RBM7: variants seen among roughly 807,000 people sequenced by gnomAD.
The protein encoded by RBM7 is RNA-binding protein 7.
A neutral mutation model predicts 31.0 loss-of-function variants in RBM7; 13 were observed. That is an observed-to-expected ratio of 0.42 (90% CI 0.27 to 0.67). RBM7 has a LOEUF of 0.67. RBM7 is among the 30% of genes least tolerant of loss of function. RBM7 has a pLI of 0.24. For synonymous variants in RBM7, 106 were observed against 111.2 expected (o/e 0.95, Z 0.30); for missense variants, 245 against 326.2 (o/e 0.75, Z 1.92).
chr11:114,402,856 T>A lies in RBM7; in HGVS notation c.288T>A (p.Ser96Arg). 1 of 1,613,212 alleles carries A rather than the reference T, an allele frequency of 6.2e-7. No individual in the cohort carries two copies. Among genetic ancestry groups the A allele is most frequent in the Non-Finnish European group, 8.5e-7 (1 of 1,179,256 alleles). ...SGSSHAPQDVSLSYPQHHVGN... is the reference protein window; with the variant it reads ...SGSSHAPQDVRLSYPQHHVGN... The stretch of plus-strand genomic sequence containing the variant: ...GTAGTCATGCCCCACAAGATGTCAG[T>A]TTGTCATATCCCCAACATCATGTTG... The change falls in exon 3 of 5, where the codon AGT becomes AGA. Residue 96 changes from serine to arginine, a missense_variant. Physicochemically the swap from Ser to Arg is moderately radical, Grantham distance 110. Coordinates refer to ENST00000375490, the MANE Select transcript of RBM7 (RefSeq NM_001286045.2).
In RBM7 at chr11:114,407,452, G is replaced by A; in HGVS notation, c.449G>A (p.Ser150Asn). The change falls in exon 5 of 5, where the codon AGT becomes AAT. Residue 150 changes from serine (S) to asparagine (N), a missense_variant. Ser to Asn is a conservative substitution (Grantham distance 46). Coordinates refer to ENST00000375490, the MANE Select transcript of RBM7 (RefSeq NM_001286045.2). ...ACTTTTCCTATTCCTCAGATGAACA[G>A]TGCTTTGAGACAAATGTCATATGGT... ...ENFQRQAVMN[S>N]ALRQMSYGGK... 2 of 1,610,540 alleles carry A rather than the reference G, an allele frequency of 1.2e-6. No individual in the cohort carries two copies. The highest frequency in any genetic ancestry group is 1.7e-6 in the Non-Finnish European group (2 of 1,177,470).
At chr11:114,401,653 C>A in intron 1 of RBM7, 45 bp from the exon 2 acceptor site, 1 of 1,383,232 alleles carries the variant, frequency 7.2e-7, no homozygotes, top group Non-Finnish European at 9.6e-7. Context: ...TGAGTATTTT[C>A]CCTTAGTTGC....
chr11:114,403,152 G>A (rs1946226708), intron 3 of RBM7, among the ~76,000 whole-genome samples: 1 of 152,118 alleles, frequency 6.6e-6, no homozygotes, highest in Non-Finnish European at 1.5e-5. Context: ...ATAACTATTT[G>A]TTGATTTGTA....
At position 114,401,862 on chromosome 11, in the gene RBM7, T is replaced by TA; in HGVS notation, c.259+4dup. On this transcript the variant is annotated splice_region_variant and intron_variant, in intron 2 of 4. Coordinates refer to ENST00000375490, the MANE Select transcript of RBM7 (RefSeq NM_001286045.2). ...CTATCAAAATTCAATTTAGATCAGG[T>TA]AACTGCCCAATGAGGTTCGGGGGGC... 6.3e-7 allele frequency: 1 copy of TA among 1,587,906 alleles called. No individual in the cohort carries two copies. Among genetic ancestry groups the TA allele is most frequent in the Non-Finnish European group, 8.5e-7 (1 of 1,170,954 alleles).
At position 114,402,841 on chromosome 11, in the gene RBM7, C is replaced by T. The variant is rs1401131315; in HGVS notation, c.273C>T (p.Ala91=). 5 of 1,612,292 alleles carry T rather than the reference C, an allele frequency of 3.1e-6. No individual in the cohort carries two copies. Among genetic ancestry groups the T allele is most frequent in the Non-Finnish European group, 3.4e-6 (4 of 1,178,718 alleles). ...GTTTCATTTTAGGAAGTAGTCATGC[C>T]CCACAAGATGTCAGTTTGTCATATC... ...KIQFRSGSSH[A]PQDVSLSYPQ... Residue 91 remains alanine, a synonymous_variant, in exon 3 of 5, where the codon GCC becomes GCT. Coordinates refer to ENST00000375490, the MANE Select transcript of RBM7 (RefSeq NM_001286045.2).
At chr11:114,400,876 C>G in intron 1 of RBM7, 109 bp downstream of exon 1, 1 of 1,271,738 alleles carries the variant, frequency 7.9e-7, no homozygotes, top group South Asian at 1.4e-5. Context: ...CGACGGGTGG[C>G]TGTTTGGGGG....
At chr11:114,402,638 C>T (rs937971934) in intron 2 of RBM7, among the ~76,000 whole-genome samples, 190 bp from the exon 3 acceptor site, 2 of 151,802 alleles carry the variant, frequency 1.3e-5, no homozygotes, top group African/African-American at 2.4e-5. Context: ...CTCCTGGCCT[C>T]GAGAGATGTG....
In RBM7 at chr11:114,408,875, G is replaced by T. The variant is rs1392823385; in HGVS notation, c.*1068G>T. ...GATCCTTTTTAATACCACAGCATTT[G>T]TACTGTTCCTTTTTAATATACTGAA... On this transcript the variant is annotated 3_prime_UTR_variant, in exon 5 of 5. Coordinates refer to ENST00000375490, the MANE Select transcript of RBM7 (RefSeq NM_001286045.2). 1 of 150,932 alleles carries T rather than the reference G, an allele frequency of 6.6e-6. No homozygotes were observed. Among genetic ancestry groups the T allele is most frequent in the African/African-American group, 2.4e-5 (1 of 41,092 alleles). The allele number at this position is 150,932 out of a possible 1,614,324, so 9.3% of individuals were successfully genotyped here. A position where few individuals can be genotyped will look rare whatever the true frequency, so the allele number is the denominator to read the frequency against.
chr11:114,402,612 T>G (rs914075364), intron 2 of RBM7, among the ~76,000 whole-genome samples: 2 of 151,242 alleles, frequency 1.3e-5, no homozygotes, highest in East Asian at 3.9e-4. Flanking sequence ...ACCATGTTGG[T>G]CAGGCTGGTC....
chr11:114,402,679 A>G, intron 2 of RBM7, 149 bp from the exon 3 acceptor site: 1 of 658,386 alleles, frequency 1.5e-6, no homozygotes, highest in South Asian at 1.8e-5. Context: ...TGCTGGGATT[A>G]CAGGCGTCAG....
intron 3 of RBM7, 36 bp downstream of exon 3, chr11:114,402,951 A>G (rs17547494): frequency 0.17 from 256,066 of 1,510,848 alleles, 24,170 homozygotes; most frequent in Middle Eastern, 0.25. Flanking sequence ...ATCATTTATC[A>G]GGAATTCTTA....
rs145945092 is a variant in RBM7, at chr11:114,409,284, C to G, written c.*1477C>G. The G allele has an allele frequency of 6.6e-6, 1 of 152,106 alleles. No homozygotes were observed. Among genetic ancestry groups the G allele is most frequent in the African/African-American group, 2.4e-5 (1 of 41,498 alleles). 9.4% of individuals were successfully genotyped at this position (152,106 alleles called of 1,614,324 possible). On this transcript the variant is annotated 3_prime_UTR_variant, in exon 5 of 5. Coordinates refer to ENST00000375490, the MANE Select transcript of RBM7 (RefSeq NM_001286045.2). ...TAAGCATTTTCACAGAATTTGTTTC[C>G]AATGAGATTATTATTTTTGGGTATC...
At chr11:114,402,382 C>CTT (rs71063570) in intron 2 of RBM7, among the ~76,000 whole-genome samples, 6 of 50,126 alleles carry the variant, frequency 1.2e-4, no homozygotes, top group Admixed American at 6.1e-4. Flanking sequence ...GCTTGAGATT[C>CTT]TTTTTTTTTT....
In RBM7 at chr11:114,410,534, A is replaced by C. The variant is rs1326139457; in HGVS notation, c.*2727A>C. 6.6e-6 allele frequency: 1 copy of C among 152,196 alleles called. No individual in the cohort carries two copies. Among genetic ancestry groups the C allele is most frequent in the Non-Finnish European group, 1.5e-5 (1 of 68,036 alleles). 9.4% of individuals were successfully genotyped at this position (152,196 alleles called of 1,614,324 possible). A position where few individuals can be genotyped will look rare whatever the true frequency, so the allele number is the denominator to read the frequency against. ...TCCTGCTTCCAGTCTTCTTTCCTCA[A>C]ATTTATTCCACACTCTTAAGAATTG... On this transcript the variant is annotated 3_prime_UTR_variant, in exon 5 of 5. Transcript: ENST00000375490.
At position 114,408,602 on chromosome 11, in the gene RBM7, T is replaced by G. The variant is rs566839941; in HGVS notation, c.*795T>G. The G allele has an allele frequency of 3.1e-4, 47 of 152,834 alleles. No individual in the cohort carries two copies. Among genetic ancestry groups the G allele is most frequent in the African/African-American group, 1.1e-3 (47 of 41,582 alleles). The allele number at this position is 152,834 out of a possible 1,614,324, so 9.5% of individuals were successfully genotyped here. A position where few individuals can be genotyped will look rare whatever the true frequency, so the allele number is the denominator to read the frequency against. ...TTTTGGAAAATAGATTCATGAAGCCTTTAAGTGCTGCTTCTGTCAGTCAAA... is the reference window on the plus strand; with the variant it reads ...TTTTGGAAAATAGATTCATGAAGCCGTTAAGTGCTGCTTCTGTCAGTCAAA... On this transcript the variant is annotated 3_prime_UTR_variant, in exon 5 of 5. Coordinates refer to ENST00000375490, the MANE Select transcript of RBM7 (RefSeq NM_001286045.2).
chr11:114,403,873 A>G (rs1011989770), intron 3 of RBM7, among the ~76,000 whole-genome samples: 15 of 152,190 alleles, frequency 9.9e-5, no homozygotes, highest in African/African-American at 3.6e-4. Context: ...CACATATTAT[A>G]TATATTTTTG....
At chr11:114,401,011 A>G (rs1476146089) in intron 1 of RBM7, among the ~76,000 whole-genome samples, 1 of 152,114 alleles carries the variant, frequency 6.6e-6, no homozygotes, top group African/African-American at 2.4e-5. Flanking sequence ...TTCCCGTGGT[A>G]GAGATCCAGG....
chr11:114,405,129 T>A (rs1000352717), intron 3 of RBM7, among the ~76,000 whole-genome samples: 2 of 152,224 alleles, frequency 1.3e-5, no homozygotes, highest in African/African-American at 4.8e-5. Flanking sequence ...ATCAAATTCT[T>A]TTCATTTTAG....
At position 114,401,813 on chromosome 11, in the gene RBM7, A is replaced by G; in HGVS notation, c.212A>G (p.Asn71Ser). ...VSVPYAMNLLNGIKLYGRPIK... is the reference protein window; with the variant it reads ...VSVPYAMNLLSGIKLYGRPIK... Reference sequence around the variant, plus strand: ...GTTCCTTATGCAATGAATCTACTTAATGGAATCAAACTTTATGGAAGGCCT... The same window carrying G: ...GTTCCTTATGCAATGAATCTACTTAGTGGAATCAAACTTTATGGAAGGCCT... Residue 71 changes from asparagine to serine, a missense_variant, in exon 2 of 5, where the codon AAT becomes AGT. By Grantham distance (46) the Asn-to-Ser change is conservative. Coordinates refer to ENST00000375490, the MANE Select transcript of RBM7 (RefSeq NM_001286045.2). 6.3e-7 allele frequency: 1 copy of G among 1,591,840 alleles called. No individual in the cohort carries two copies. The highest frequency in any genetic ancestry group is 1.2e-5 in the South Asian group (1 of 86,064).
Sources: allele counts gnomAD v4.1 joint callset (sites outside exome capture counted in the v4.1 genomes callset), GRCh38; gene constraint gnomAD v4.1.1; transcripts MANE v1.5; gene names NCBI Gene and HGNC (gene_info 2026-07-23, HGNC 2026-07-21).